Variants in ONECUT3 observed in about 807,000 individuals in gnomAD.
ONECUT3 encodes one cut homeobox 3.
In ONECUT3, 11 loss-of-function variants were observed where a neutral mutation model predicts 16.8. The ratio of observed to expected loss-of-function variants is 0.66; its 90% CI spans 0.41 to 1.09. ONECUT3 has a LOEUF of 1.09. Ranked by LOEUF, ONECUT3 falls within the 50% of genes least tolerant of loss-of-function variation. The pLI is 0.00. For missense variants in ONECUT3, 637 were observed against 629.9 expected (o/e 1.01, Z -0.12); for synonymous variants, 344 against 310.7 (o/e 1.11, Z -1.13).
At position 1,766,902 on chromosome 19, in the gene ONECUT3, G is replaced by T. The variant is rs2067996782; in HGVS notation, c.1193-8251G>T. ...TCAGCCACTGCTATACCTCCGCTCTGTGCTGGGCCACAGAAAGATCTCAGG... is the reference window on the plus strand; with the variant it reads ...TCAGCCACTGCTATACCTCCGCTCTTTGCTGGGCCACAGAAAGATCTCAGG... On this transcript the variant is annotated intron_variant, in intron 1 of 1. Coordinates refer to ENST00000382349, the MANE Select transcript of ONECUT3 (RefSeq NM_001080488.2). This position sits in a 1 kb window ranked among gnomAD's most constrained non-coding sequence, Gnocchi z 4.0. 6.6e-6 allele frequency among the ~76,000 whole-genome samples: 1 copy of T among 152,046 alleles called. No homozygotes were observed. Among genetic ancestry groups the T allele is most frequent in the Non-Finnish European group, 1.5e-5 (1 of 68,006 alleles).
At chr19:1,772,912 C>T (rs1489919947) in intron 1 of ONECUT3, among the ~76,000 whole-genome samples, 1 of 146,932 alleles carries the variant, frequency 6.8e-6, no homozygotes, top group Non-Finnish European at 1.5e-5. Context: ...ACCGTGTTAG[C>T]CAGGATGGTC....
intron 1 of ONECUT3, among the ~76,000 whole-genome samples, chr19:1,768,126 C>T (rs551990228): frequency 2.6e-4 from 39 of 152,100 alleles, no homozygotes; most frequent in Admixed American, 2.6e-3. Context: ...GGACCCAAAC[C>T]CTCACTCAAT....
chr19:1,769,221 TGAA>T (rs765353865), intron 1 of ONECUT3, among the ~76,000 whole-genome samples: 57 of 140,734 alleles, frequency 4.1e-4, no homozygotes, highest in Admixed American at 2.4e-3. Flanking sequence ...GAAGAGGTGA[TGAA>T]GGAGGAGGTG....
At chr19:1,770,710 G>A (rs890690831) in intron 1 of ONECUT3, among the ~76,000 whole-genome samples, 2 of 152,230 alleles carry the variant, frequency 1.3e-5, no homozygotes, top group African/African-American at 4.8e-5. Flanking sequence ...TGGAGGACTG[G>A]GTCCTCTCCT....
intron 1 of ONECUT3, among the ~76,000 whole-genome samples, chr19:1,769,364 T>C (rs1289862361): frequency 2.0e-5 from 3 of 151,716 alleles, no homozygotes; most frequent in Non-Finnish European, 4.4e-5. Context: ...GGAGACCTCA[T>C]TGGAGGCTGG....
chr19:1,770,665 G>A (rs747358196), intron 1 of ONECUT3, among the ~76,000 whole-genome samples: 28 of 152,200 alleles, frequency 1.8e-4, no homozygotes, highest in Non-Finnish European at 3.5e-4. Context: ...TCAAGGCCCC[G>A]GTTGAGTTTT....
At chr19:1,757,132 T>TG (rs11381332) in intron 1 of ONECUT3, among the ~76,000 whole-genome samples, 33,330 of 96,956 alleles carry the variant, frequency 0.34, 4,040 homozygotes, top group East Asian at 0.46. Context: ...AGAAGTCCCA[T>TG]GGGGGGGGGG....
At chr19:1,770,551 A>T (rs1355178914) in intron 1 of ONECUT3, among the ~76,000 whole-genome samples, 1 of 152,202 alleles carries the variant, frequency 6.6e-6, no homozygotes, top group East Asian at 1.9e-4. Context: ...CCTACTGTAA[A>T]TGTAGGATAA....
At chr19:1,763,366 CAAAAAAAAA>C (rs201101328) in intron 1 of ONECUT3, among the ~76,000 whole-genome samples, 422 of 36,850 alleles carry the variant, frequency 0.011, 17 homozygotes, top group South Asian at 0.05. Context: ...GACTCCATCT[CAAAAAAAAA>C]AAAAAAAAAA....
chr19:1,775,683 C>A lies in ONECUT3; in HGVS notation c.*238C>A, dbSNP rs553411398. Reference sequence around the variant, plus strand: ...CTCCAGGCCAAAGGAAGCCCTCCACCCCCCCCCGGAGGGGAGGGAGTGACA... The same window carrying A: ...CTCCAGGCCAAAGGAAGCCCTCCACACCCCCCCGGAGGGGAGGGAGTGACA... On this transcript the variant is annotated 3_prime_UTR_variant, in exon 2 of 2. Transcript: ENST00000382349. The A allele has an allele frequency of 1.5e-5, 5 of 337,592 alleles. No individual in the cohort carries two copies. Among genetic ancestry groups the A allele is most frequent in the African/African-American group, 6.0e-5 (2 of 33,358 alleles). The allele number at this position is 337,592 out of a possible 1,614,324, so 20.9% of individuals were successfully genotyped here. A position where few individuals can be genotyped will look rare whatever the true frequency, so the allele number is the denominator to read the frequency against.
intron 1 of ONECUT3, among the ~76,000 whole-genome samples, chr19:1,760,178 C>T (rs182675993): frequency 3.5e-4 from 54 of 152,316 alleles, no homozygotes; most frequent in African/African-American, 1.1e-3. Flanking sequence ...AAGAGAAAGG[C>T]GCTTGCCAGA....
chr19:1,775,132 C>CCGCCCGCCCGCCGCT (rs1555801227), intron 1 of ONECUT3, 21 bp from the exon 2 acceptor site: 9 of 1,268,976 alleles, frequency 7.1e-6, no homozygotes, highest in African/African-American at 1.5e-5. Flanking sequence ...GCTCGCCCGC[C>CCGCCCGCCCGCCGCT]CGCCCGCCGC....
intron 1 of ONECUT3, among the ~76,000 whole-genome samples, chr19:1,769,983 T>C (rs926638249): frequency 6.6e-6 from 1 of 152,184 alleles, no homozygotes; most frequent in African/African-American, 2.4e-5. Flanking sequence ...CTCCCCCATC[T>C]AGGCCAGTGG....
chr19:1,754,313 G>A lies in ONECUT3; in HGVS notation c.651G>A (p.Pro217=), dbSNP rs1600336457. 2 of 1,050,798 alleles carry A rather than the reference G, an allele frequency of 1.9e-6. No homozygotes were observed. The highest frequency in any genetic ancestry group is 2.3e-6 in the Non-Finnish European group (2 of 877,494). The allele number at this position is 1,050,798 out of a possible 1,614,324, so 65.1% of individuals were successfully genotyped here. A position where few individuals can be genotyped will look rare whatever the true frequency, so the allele number is the denominator to read the frequency against. Reference sequence around the variant, plus strand: ...CGCTGCACGGCGCCCCGCAGCCCCCGCCGCCGCCACCACCCCCGCCGCTGG... The same window carrying A: ...CGCTGCACGGCGCCCCGCAGCCCCCACCGCCGCCACCACCCCCGCCGCTGG... ...PPALHGAPQP[P]PPPPPPPLAA... is the part of the protein sequence containing the mutation. The change falls in exon 1 of 2, where the codon CCG becomes CCA. Residue 217 remains proline, a synonymous_variant. Coordinates refer to ENST00000382349, the MANE Select transcript of ONECUT3 (RefSeq NM_001080488.2). This position sits in a 1 kb window ranked among gnomAD's most constrained non-coding sequence, Gnocchi z 7.4.
chr19:1,767,805 G>A (rs1410183190), intron 1 of ONECUT3, among the ~76,000 whole-genome samples: 3 of 152,228 alleles, frequency 2.0e-5, no homozygotes, highest in Non-Finnish European at 2.9e-5. Context: ...GGATGCTACA[G>A]TAAAGCCACC....
Position 1,755,045 on chromosome 19 carries a change from G to A in ONECUT3, c.1192+191G>A, listed in dbSNP as rs1423689552. Among the ~76,000 whole-genome samples the A allele has an allele frequency of 1.3e-5, 2 of 152,272 alleles. No individual in the cohort carries two copies. Among genetic ancestry groups the A allele is most frequent in the African/African-American group, 2.4e-5 (1 of 41,556 alleles). On this transcript the variant is annotated intron_variant, in intron 1 of 1. Transcript: ENST00000382349. This position sits in a 1 kb window ranked among gnomAD's most constrained non-coding sequence, Gnocchi z 7.5. ...TGCCCGTTTGTACCGTTGCCAAAAG[G>A]GAGAAAGGGATTGTGCCGCCTCCCC...
In ONECUT3 at chr19:1,777,410, A is replaced by T. The variant is rs1477698585; in HGVS notation, c.*1965A>T. The T allele has an allele frequency of 6.6e-6, 1 of 150,632 alleles. No homozygotes were observed. Among genetic ancestry groups the T allele is most frequent in the South Asian group, 2.1e-4 (1 of 4,744 alleles). The allele number at this position is 150,632 out of a possible 1,614,324, so 9.3% of individuals were successfully genotyped here. ...TGCAGACACGCAGGCACACATGCACACATGCAAAGACACGCATGCAGGCAC... is the reference window on the plus strand; with the variant it reads ...TGCAGACACGCAGGCACACATGCACTCATGCAAAGACACGCATGCAGGCAC... On this transcript the variant is annotated 3_prime_UTR_variant, in exon 2 of 2. Transcript: ENST00000382349.
chr19:1,763,960 C>A (rs1031470944), intron 1 of ONECUT3, among the ~76,000 whole-genome samples: 2 of 152,104 alleles, frequency 1.3e-5, no homozygotes, highest in African/African-American at 4.8e-5. Context: ...ACGTCCGGGG[C>A]GGATCATTTT....
rs748885995 is a variant in ONECUT3 at position 1,775,191 on chromosome 19, G to A, written c.1231G>A (p.Ala411Thr). The A allele has an allele frequency of 2.6e-6, 4 of 1,545,528 alleles. No homozygotes were observed. The South Asian group carries it at 4.8e-5, about 19-fold the overall frequency. ...GGAACAGGAGCAGCAGAAGGAGCGC[G>A]CCCTGCAGCCCAAGAAGCAGCGCCT... ...RKEQEQQKER[A>T]LQPKKQRLVF... Residue 411 changes from alanine (A) to threonine (T), a missense_variant, in exon 2 of 2, where the codon GCC becomes ACC. Ala to Thr is a moderately conservative substitution (Grantham distance 58). Transcript: ENST00000382349.
Sources: gnomAD v4.1 joint callset for allele counts (sites outside exome capture counted in the v4.1 genomes callset) on GRCh38, gnomAD v4.1.1 for gene constraint, Gnocchi (gnomAD v3.1) non-coding constraint, MANE v1.5 for transcripts, NCBI Gene and HGNC (gene_info 2026-07-23, HGNC 2026-07-21) for gene names.